Variants in MYO5B observed in about 807,000 individuals in gnomAD.
MYO5B encodes the protein unconventional myosin-Vb.
In MYO5B, 143 loss-of-function variants were observed where a neutral mutation model predicts 229.3. The observed-to-expected ratio is 0.62, with a 90% CI of 0.54 to 0.72. The LOEUF is 0.72. Ranked by LOEUF, MYO5B falls within the 30% of genes least tolerant of loss-of-function variation. The pLI, the probability that MYO5B is intolerant of heterozygous loss-of-function variation, is 0.00. For missense variants in MYO5B, 2,321 were observed against 2,331.0 expected (o/e 1.00, Z 0.09); for synonymous variants, 918 against 885.2 (o/e 1.04, Z -0.66).
In MYO5B at chr18:50,194,768, T is replaced by C. The variant is rs757926386; in HGVS notation, c.26A>G (p.Gln9Arg). The change falls in exon 1 of 40, where the codon CAG becomes CGG. Residue 9 changes from glutamine (Q) to arginine (R), a missense_variant and splice_region_variant. Gln to Arg is a conservative substitution (Grantham distance 43, BLOSUM62 1). This residue lies in a region of MYO5B where 2,113 missense variants were observed against 2,044.7 expected (regional missense o/e 1.03). Coordinates refer to ENST00000285039, the MANE Select transcript of MYO5B (RefSeq NM_001080467.3). ...CGCCTCCCTCGCGGCCGCGCTCACC[T>C]GGCTGTAGAGCTCGCCCACCGACAT... is the stretch of plus-strand genomic sequence containing the variant. MSVGELYSQCTRVWIPDPD... is the reference protein window; with the variant it reads MSVGELYSRCTRVWIPDPD... 6.8e-7 allele frequency: 1 copy of C among 1,473,744 alleles called. No homozygotes were observed. Among genetic ancestry groups the C allele is most frequent in the African/African-American group, 1.5e-5 (1 of 68,124 alleles). 91.3% of individuals were successfully genotyped at this position (1,473,744 alleles called of 1,614,324 possible).
At chr18:50,188,347 C>A (rs1488874370) in intron 1 of MYO5B, among the ~76,000 whole-genome samples, 1 of 152,162 alleles carries the variant, frequency 6.6e-6, no homozygotes, top group Non-Finnish European at 1.5e-5. Flanking sequence ...ACCAGACCAA[C>A]ACTTCTACAA....
At chr18:49,890,049 G>A (rs2024691224) in intron 22 of MYO5B, among the ~76,000 whole-genome samples, 1 of 152,154 alleles carries the variant, frequency 6.6e-6, no homozygotes, top group Non-Finnish European at 1.5e-5. Flanking sequence ...GTAGGCCCAT[G>A]TTCCTGATCT....
chr18:50,019,120 A>C (rs1309568093), intron 4 of MYO5B, among the ~76,000 whole-genome samples: 1 of 152,196 alleles, frequency 6.6e-6, no homozygotes, highest in Non-Finnish European at 1.5e-5. Flanking sequence ...CTGACCACTA[A>C]ATGAAACCTC....
At chr18:50,080,213 C>T (rs1433747374) in intron 1 of MYO5B, among the ~76,000 whole-genome samples, 10 of 152,110 alleles carry the variant, frequency 6.6e-5, no homozygotes, top group Admixed American at 2.0e-4. Flanking sequence ...TCTCAGCAAG[C>T]CCTTGGGAGC....
In MYO5B at chr18:50,050,910, A is replaced by G. The variant is rs141529335; in HGVS notation, c.138+4358T>C. Among the ~76,000 whole-genome samples the G allele has an allele frequency of 2.4e-3, 369 of 152,344 alleles. 1 individual carries two copies. Among genetic ancestry groups the G allele is most frequent in the African/African-American group, 8.0e-3 (334 of 41,576 alleles). On this transcript the variant is annotated intron_variant, in intron 2 of 39. Transcript: ENST00000285039. Reference sequence around the variant, plus strand: ...TTATCATTTTCCAATTAGGCCAAGCATCCAAGTCCTTGCTTCTCCACGTGC... The same window carrying G: ...TTATCATTTTCCAATTAGGCCAAGCGTCCAAGTCCTTGCTTCTCCACGTGC...
chr18:50,060,117 T>C (rs999084655), intron 1 of MYO5B, among the ~76,000 whole-genome samples: 2 of 152,192 alleles, frequency 1.3e-5, no homozygotes, highest in African/African-American at 4.8e-5. Flanking sequence ...TTGCAAACAC[T>C]GAATGTACTA....
rs1483221005 is a variant in MYO5B, at chr18:49,853,535, A to C, written c.4135T>G (p.Phe1379Val). 1.1e-5 allele frequency: 18 copies of C among 1,614,052 alleles called. No individual in the cohort carries two copies. The highest frequency in any genetic ancestry group is 1.5e-5 in the Non-Finnish European group (18 of 1,180,024). ...KEEMDKQQQTFCQTLLLSPEA... is the reference protein window; with the variant it reads ...KEEMDKQQQTVCQTLLLSPEA... ...GGGGAGAGCAGTAGCGTCTGGCAGA[A>C]GGTCTGCTGCTGTTTGTCCATCTCC... Residue 1379 changes from phenylalanine (F) to valine (V), a missense_variant, in exon 31 of 40, where the codon TTC becomes GTC. Phe to Val is a conservative substitution (Grantham distance 50, BLOSUM62 -1). This residue lies in a region of MYO5B where 2,113 missense variants were observed against 2,044.7 expected (regional missense o/e 1.03). Coordinates refer to ENST00000285039, the MANE Select transcript of MYO5B (RefSeq NM_001080467.3).
chr18:50,183,365 C>T (rs913192805), intron 1 of MYO5B, among the ~76,000 whole-genome samples: 5 of 131,196 alleles, frequency 3.8e-5, no homozygotes, highest in African/African-American at 1.5e-4. Context: ...CATTTTGTTT[C>T]AGAAATTCTA....
In MYO5B at chr18:49,984,804, T is replaced by C. The variant is rs2025853986; in HGVS notation, c.860A>G (p.Tyr287Cys). 6.2e-7 allele frequency: 1 copy of C among 1,613,078 alleles called. No individual in the cohort carries two copies. Among genetic ancestry groups the C allele is most frequent in the Non-Finnish European group, 8.5e-7 (1 of 1,179,104 alleles). Reference sequence around the variant, plus strand: ...GGAAGTGTCTCCTCCCTGTGATGTATAGAAAAAGTCCTCTGCACTTGCTGT... The same window carrying C: ...GGAAGTGTCTCCTCCCTGTGATGTACAGAAAAAGTCCTCTGCACTTGCTGT... ...LALTSAEDFF[Y>C]TSQGGDTSIE... Residue 287 changes from tyrosine to cysteine, a missense_variant, in exon 8 of 40, where the codon TAT becomes TGT. Transcript: ENST00000285039.
intron 20 of MYO5B, among the ~76,000 whole-genome samples, chr18:49,903,634 T>C (rs1174997788): frequency 2.6e-5 from 4 of 152,196 alleles, no homozygotes; most frequent in Admixed American, 1.3e-4. Context: ...TTATTATCAA[T>C]TTCGTGCTTT....
intron 5 of MYO5B, among the ~76,000 whole-genome samples, chr18:49,996,802 G>A (rs538435447): frequency 6.6e-6 from 1 of 152,314 alleles, no homozygotes; most frequent in African/African-American, 2.4e-5. Flanking sequence ...GAAAGAAGAA[G>A]AGATTCTATA....
At chr18:49,941,220 A>G (rs181398348) in intron 14 of MYO5B, among the ~76,000 whole-genome samples, 9 of 152,298 alleles carry the variant, frequency 5.9e-5, no homozygotes, top group Admixed American at 5.9e-4. Context: ...CACCAGAGTG[A>G]CTTGCATGCA....
chr18:50,008,262 A>T (rs1036117027), intron 4 of MYO5B, among the ~76,000 whole-genome samples: 3 of 152,146 alleles, frequency 2.0e-5, no homozygotes, highest in Non-Finnish European at 4.4e-5. Context: ...TATACAGTGT[A>T]CTAACATTTT....
At chr18:49,849,874 T>A (rs937655636) in intron 31 of MYO5B, 10 of 587,036 alleles carry the variant, frequency 1.7e-5, no homozygotes, top group Middle Eastern at 4.6e-4. Flanking sequence ...CAGAGTCCAT[T>A]CTCTCAAGGC....
chr18:49,914,297 C>T (rs2024989103), intron 17 of MYO5B, among the ~76,000 whole-genome samples: 1 of 152,116 alleles, frequency 6.6e-6, no homozygotes. Flanking sequence ...TTTGAGCTTA[C>T]AGCAGCAAAC....
At position 49,937,410 on chromosome 18, in the gene MYO5B, A is replaced by T. The variant is rs2025263692; in HGVS notation, c.1753-13T>A. ...CCACTAGTGGGAACTAGAAACAATC[A>T]CAGGAAGAATGATGAAAGTGACATC... On this transcript the variant is annotated splice_polypyrimidine_tract_variant and intron_variant, in intron 14 of 39. Transcript: ENST00000285039. 1.2e-6 allele frequency: 2 copies of T among 1,613,590 alleles called. No individual in the cohort carries two copies. The highest frequency in any genetic ancestry group is 4.5e-5 in the East Asian group (2 of 44,876).
At chr18:50,073,032 T>G (rs1482421801) in intron 1 of MYO5B, among the ~76,000 whole-genome samples, 2 of 152,124 alleles carry the variant, frequency 1.3e-5, no homozygotes, top group Non-Finnish European at 2.9e-5. Flanking sequence ...TAGCCAAAGA[T>G]TTACTCCTAG....
chr18:50,132,520 G>A (rs752034353), intron 1 of MYO5B, among the ~76,000 whole-genome samples: 41 of 152,266 alleles, frequency 2.7e-4, no homozygotes, highest in Non-Finnish European at 5.1e-4. Flanking sequence ...TTTCTAGGCC[G>A]ACAAGTCCAG....
intron 7 of MYO5B, among the ~76,000 whole-genome samples, chr18:49,990,115 T>C (rs948519849): frequency 1.3e-5 from 2 of 152,252 alleles, no homozygotes; most frequent in Non-Finnish European, 2.9e-5. Flanking sequence ...TTCTTAGGTT[T>C]GGGACACATT....
Sources: allele counts gnomAD v4.1 joint callset (sites outside exome capture counted in the v4.1 genomes callset), GRCh38; gene constraint gnomAD v4.1.1; regional missense constraint gnomAD v4.1.1; transcripts MANE v1.5; gene names NCBI Gene and HGNC (gene_info 2026-07-23, HGNC 2026-07-21).